The following TBX18 variants were observed in gnomAD, a reference collection of about 807,000 sequenced individuals.
TBX18 encodes T-box transcription factor 18.
TBX18 carries 21 observed loss-of-function variants against 55.0 expected under a neutral mutation model. The ratio of observed to expected loss-of-function variants is 0.38; its 90% CI spans 0.27 to 0.55. The LOEUF is 0.55. Ranked by LOEUF, TBX18 falls within the 20% of genes least tolerant of loss-of-function variation. The probability of loss-of-function intolerance (pLI) is 0.73; values close to 1 mark genes in which losing one functional copy is unlikely to be tolerated. For missense variants in TBX18, 840 were observed against 799.6 expected (o/e 1.05, Z -0.61); for synonymous variants, 342 against 326.1 (o/e 1.05, Z -0.53).
chr6:84,760,379 A>G (rs774412960), intron 2 of TBX18, 23 bp from the exon 3 acceptor site: 1 of 1,574,658 alleles, frequency 6.4e-7, no homozygotes, highest in South Asian at 1.2e-5. Flanking sequence ...GCGAAGAGAA[A>G]GAGGGTTTGG....
chr6:84,762,711 A>G lies in TBX18; in HGVS notation c.330T>C (p.Pro110=). 6.2e-7 allele frequency: 1 copy of G among 1,610,552 alleles called. No homozygotes were observed. The highest frequency in any genetic ancestry group is 8.5e-7 in the Non-Finnish European group (1 of 1,179,026). ...CEDGFQQGAS[P]LASPGGSPKG... ...TGGGGGAGCCTCCCGGTGACGCCAG[A>G]GGGGAAGCTCCCTGCTGGAAGCCGT... Residue 110 remains proline, a synonymous_variant, in exon 2 of 8, where the codon CCT becomes CCC. Coordinates refer to ENST00000369663, the MANE Select transcript of TBX18 (RefSeq NM_001080508.3).
chr6:84,754,163 G>C (rs1205947607), intron 4 of TBX18, among the ~76,000 whole-genome samples: 1 of 152,052 alleles, frequency 6.6e-6, no homozygotes, highest in African/African-American at 2.4e-5. Context: ...CCTGACCTCA[G>C]GTGATCCACC....
rs1582057372 is a variant in TBX18 at position 84,732,967 on chromosome 6, T to C, written c.*3718A>G. ...CTAAAAGGAATACTAACAATTATCATCCCAGCCATTCCTTTCACACATAGC... is the reference window on the plus strand; with the variant it reads ...CTAAAAGGAATACTAACAATTATCACCCCAGCCATTCCTTTCACACATAGC... On this transcript the variant is annotated 3_prime_UTR_variant, in exon 8 of 8. Coordinates refer to ENST00000369663, the MANE Select transcript of TBX18 (RefSeq NM_001080508.3). 1 of 152,090 alleles carries C rather than the reference T, an allele frequency of 6.6e-6. No individual in the cohort carries two copies. The highest frequency in any genetic ancestry group is 1.5e-5 in the Non-Finnish European group (1 of 67,988). 9.4% of individuals were successfully genotyped at this position (152,090 alleles called of 1,614,324 possible).
Position 84,764,247 on chromosome 6 carries a change from G to A in TBX18, c.-66C>T, listed in dbSNP as rs927355816. The A allele has an allele frequency of 5.9e-6, 8 of 1,362,756 alleles. No individual in the cohort carries two copies. The East Asian group carries it at 9.3e-5, about 16-fold the overall frequency. 84.4% of individuals were successfully genotyped at this position (1,362,756 alleles called of 1,614,324 possible). A position where few individuals can be genotyped will look rare whatever the true frequency, so the allele number is the denominator to read the frequency against. On this transcript the variant is annotated 5_prime_UTR_variant, in exon 1 of 8. Transcript: ENST00000369663. ...CTCACGCGGGCACACGCGCGCTCTCGCTCTTCCCCCACCAAAAACTAAAAG... is the reference window on the plus strand; with the variant it reads ...CTCACGCGGGCACACGCGCGCTCTCACTCTTCCCCCACCAAAAACTAAAAG...
At chr6:84,737,469 G>T in intron 7 of TBX18, 60 bp from the exon 8 acceptor site, 1 of 1,478,106 alleles carries the variant, frequency 6.8e-7, no homozygotes, top group Non-Finnish European at 9.0e-7. Context: ...TTTCAATTTT[G>T]TAAATATGAG....
chr6:84,759,869 G>A (rs1767599924), intron 3 of TBX18, among the ~76,000 whole-genome samples: 1 of 151,564 alleles, frequency 6.6e-6, no homozygotes, highest in South Asian at 2.1e-4. Flanking sequence ...ATGACCAAAA[G>A]ATCACAAAGA....
At position 84,735,206 on chromosome 6, in the gene TBX18, G is replaced by A. The variant is rs1166683257; in HGVS notation, c.*1479C>T. 2.0e-5 allele frequency: 3 copies of A among 152,100 alleles called. No homozygotes were observed. The highest frequency in any genetic ancestry group is 7.2e-5 in the African/African-American group (3 of 41,432). 9.4% of individuals were successfully genotyped at this position (152,100 alleles called of 1,614,324 possible). A position where few individuals can be genotyped will look rare whatever the true frequency, so the allele number is the denominator to read the frequency against. On this transcript the variant is annotated 3_prime_UTR_variant, in exon 8 of 8. Transcript: ENST00000369663. ...GGTCAATGCACAGACATGTTATTTC[G>A]CTTTCTCCTCAGAAGGGGAATGTGC...
intron 6 of TBX18, chr6:84,741,705 C>G (rs922497732): frequency 2.6e-5 from 4 of 152,090 alleles, no homozygotes; most frequent in Non-Finnish European, 2.9e-5. Context: ...AAACCACTAA[C>G]AACAGCACAA....
chr6:84,763,107 G>A, intron 1 of TBX18: 1 of 403,560 alleles, frequency 2.5e-6, no homozygotes, highest in South Asian at 2.3e-5. Context: ...AGTCAGAGGA[G>A]CTCCCGGGTC....
chr6:84,741,656 T>A (rs1277794658), intron 6 of TBX18: 1 of 152,200 alleles, frequency 6.6e-6, no homozygotes, highest in Non-Finnish European at 1.5e-5. Context: ...GTATATTTCA[T>A]GTACAGGGTC....
chr6:84,739,460 A>C (rs9450014), intron 6 of TBX18, among the ~76,000 whole-genome samples: 4,246 of 152,152 alleles, frequency 0.028, 202 homozygotes, highest in African/African-American at 0.096. Context: ...CAAGTGACTA[A>C]GTCCTCTGGG....
intron 2 of TBX18, 35 bp from the exon 3 acceptor site, chr6:84,760,391 G>C (rs1229885948): frequency 6.7e-7 from 1 of 1,493,448 alleles, no homozygotes; most frequent in South Asian, 1.2e-5. Context: ...AGGGTTTGGG[G>C]TTTTTGTTTG....
At chr6:84,738,328 T>A (rs916964435) in intron 7 of TBX18, among the ~76,000 whole-genome samples, 169 bp downstream of exon 7, 1 of 151,908 alleles carries the variant, frequency 6.6e-6, no homozygotes, top group Admixed American at 6.6e-5. Context: ...TGAGAGCCGT[T>A]TTTTCCTGAT....
rs9444228 is a variant in TBX18 at position 84,756,987 on chromosome 6, C to T, written c.600-118G>A. ...CAGTTTTAAAATAAATCAATTTCCT[C>T]TTTACACTAAAAATAAAATTTCAAG... On this transcript the variant is annotated intron_variant, in intron 3 of 7. Coordinates refer to ENST00000369663, the MANE Select transcript of TBX18 (RefSeq NM_001080508.3). The T allele has an allele frequency of 0.019, 18,895 of 1,008,632 alleles. 2,316 individuals carry two copies. The African/African-American group carries it at 0.27, about 14-fold the overall frequency. 62.5% of individuals were successfully genotyped at this position (1,008,632 alleles called of 1,614,324 possible).
chr6:84,745,360 G>A (rs1767154352), intron 5 of TBX18, among the ~76,000 whole-genome samples: 1 of 152,106 alleles, frequency 6.6e-6, no homozygotes, highest in Non-Finnish European at 1.5e-5. Context: ...GACACATCAT[G>A]TTTTGGCTTC....
Position 84,738,546 on chromosome 6 carries a change from T to A in TBX18, c.1050A>T (p.Pro350=). The A allele has an allele frequency of 6.2e-7, 1 of 1,614,120 alleles. No individual in the cohort carries two copies. The highest frequency in any genetic ancestry group is 8.5e-7 in the Non-Finnish European group (1 of 1,180,012). ...CTTCAAAGGTCAGAGTCCGTAGTGA[T>A]GGTCGCCAGAATGCATATGATTCCA... ...ALVESYAFWR[P]SLRTLTFEDI... Residue 350 remains proline (P), a synonymous_variant, in exon 7 of 8, where the codon CCA becomes CCT. Transcript: ENST00000369663.
At chr6:84,748,206 G>A (rs1258532518) in intron 4 of TBX18, 119 bp from the exon 5 acceptor site, 4 of 678,732 alleles carry the variant, frequency 5.9e-6, no homozygotes, top group African/African-American at 3.6e-5. Flanking sequence ...AGGATGCAGA[G>A]GTGTCAATTT....
intron 2 of TBX18, among the ~76,000 whole-genome samples, chr6:84,762,131 G>A (rs2127882272): frequency 6.6e-6 from 1 of 151,122 alleles, no homozygotes; most frequent in South Asian, 2.1e-4. Context: ...GTTTACTGGA[G>A]TAAACTGCTG....
chr6:84,752,745 CAAG>C (rs1767383568), intron 4 of TBX18, among the ~76,000 whole-genome samples: 3 of 152,124 alleles, frequency 2.0e-5, no homozygotes, highest in Non-Finnish European at 4.4e-5. Context: ...ACCTGATTCT[CAAG>C]GAGAAACAGA....
Sources: allele counts gnomAD v4.1 joint callset (sites outside exome capture counted in the v4.1 genomes callset), GRCh38; gene constraint gnomAD v4.1.1; transcripts MANE v1.5; gene names NCBI Gene and HGNC (gene_info 2026-07-23, HGNC 2026-07-21).